PLXNA2: variants seen among roughly 807,000 people sequenced by gnomAD.
PLXNA2 encodes the protein plexin A2.
PLXNA2 carries 91 observed loss-of-function variants against 193.5 expected under a neutral mutation model. The ratio of observed to expected loss-of-function variants is 0.47; its 90% CI spans 0.40 to 0.56. The LOEUF (loss-of-function observed/expected upper bound fraction) is 0.56. Among genes scored for constraint, PLXNA2 ranks in the 20% least tolerant of loss-of-function variants. PLXNA2 has a pLI of 0.00. For missense variants in PLXNA2, 1,995 were observed against 2,503.2 expected (o/e 0.80, Z 4.33); for synonymous variants, 997 against 1,027.3 (o/e 0.97, Z 0.56).
At chr1:208,031,420 C>A in intron 29 of PLXNA2, 170 bp downstream of exon 29, 1 of 1,316,590 alleles carries the variant, frequency 7.6e-7, no homozygotes, top group South Asian at 1.5e-5. Flanking sequence ...CAGCTGGGGA[C>A]CGTGTGGGCT....
At position 208,045,188 on chromosome 1, in the gene PLXNA2, G is replaced by T; in HGVS notation, c.3518C>A (p.Ala1173Asp). 6.2e-7 allele frequency: 1 copy of T among 1,614,090 alleles called. No homozygotes were observed. The highest frequency in any genetic ancestry group is 8.5e-7 in the Non-Finnish European group (1 of 1,179,944). ...GTAGTTGAGTTTGGCCCCTCCAGAG[G>T]CAGGAGGGCAGAGGTTTTTGCCCTG... Reference protein sequence around the residue: ...ILKGKNLCPPASGGAKLNYTV... With the variant: ...ILKGKNLCPPDSGGAKLNYTV... The change falls in exon 19 of 32, where the codon GCC (alanine) becomes GAC (aspartate). Residue 1173 changes from alanine (A) to aspartate (D), a missense_variant. Transcript: ENST00000367033.
chr1:208,203,231 C>T (rs997428327), intron 3 of PLXNA2, among the ~76,000 whole-genome samples: 2 of 152,188 alleles, frequency 1.3e-5, no homozygotes, highest in Non-Finnish European at 2.9e-5. Flanking sequence ...GCGAGCTTGG[C>T]GGCGGGAGCC....
intron 4 of PLXNA2, among the ~76,000 whole-genome samples, chr1:208,138,797 C>T (rs1448396788): frequency 1.3e-5 from 2 of 152,186 alleles, no homozygotes; most frequent in African/African-American, 4.8e-5. Context: ...GAGGCCAAGG[C>T]AGGTGGATCA....
rs1382986768 is a variant in PLXNA2, at chr1:208,243,738, C to G, written c.-176G>C. 5 of 152,286 alleles carry G rather than the reference C, an allele frequency of 3.3e-5. No homozygotes were observed. The East Asian group carries it at 9.6e-4, about 29-fold the overall frequency. 9.4% of individuals were successfully genotyped at this position (152,286 alleles called of 1,614,324 possible). ...GCGGCGCGAGGCCCCTCTCCCTGCC[C>G]GCAGCTCGGAATCAGGGAGACGACC... On this transcript the variant is annotated 5_prime_UTR_variant, in exon 1 of 32. Transcript: ENST00000367033.
chr1:208,213,483 C>T (rs1426469395), intron 2 of PLXNA2, among the ~76,000 whole-genome samples: 1 of 152,142 alleles, frequency 6.6e-6, no homozygotes, highest in Non-Finnish European at 1.5e-5. Flanking sequence ...GAAGATAACT[C>T]TTGCTTTATG....
intron 3 of PLXNA2, among the ~76,000 whole-genome samples, chr1:208,191,671 G>C (rs756672577): frequency 6.6e-6 from 1 of 152,166 alleles, no homozygotes; most frequent in Non-Finnish European, 1.5e-5. Flanking sequence ...TCACTATGTC[G>C]CACAGATATT....
chr1:208,135,637 C>G (rs766755434), intron 4 of PLXNA2, among the ~76,000 whole-genome samples: 17 of 152,140 alleles, frequency 1.1e-4, no homozygotes, highest in Non-Finnish European at 1.6e-4. Flanking sequence ...GAAATCAGTC[C>G]AGCTTTGATG....
intron 3 of PLXNA2, among the ~76,000 whole-genome samples, chr1:208,147,981 G>A (rs952008660): frequency 6.6e-6 from 1 of 152,166 alleles, no homozygotes. Flanking sequence ...AGCGTGTGAG[G>A]TAAAATCCAG....
intron 13 of PLXNA2, among the ~76,000 whole-genome samples, chr1:208,055,525 G>T (rs1665402758): frequency 6.6e-6 from 1 of 152,118 alleles, no homozygotes; most frequent in African/African-American, 2.4e-5. Flanking sequence ...TGGGAATGGA[G>T]GGAAGGATTT....
intron 4 of PLXNA2, among the ~76,000 whole-genome samples, chr1:208,140,141 G>T (rs1354027704): frequency 1.3e-5 from 2 of 152,130 alleles, no homozygotes; most frequent in Non-Finnish European, 1.5e-5. Context: ...GAAGCAGAAG[G>T]TGGGACAGAG....
intron 4 of PLXNA2, among the ~76,000 whole-genome samples, chr1:208,132,609 G>T (rs933268849): frequency 1.3e-5 from 2 of 152,218 alleles, no homozygotes; most frequent in Admixed American, 6.5e-5. Context: ...ATATTAGTTA[G>T]ATTTCAACAC....
chr1:208,230,923 C>A (rs1271777773), intron 1 of PLXNA2, among the ~76,000 whole-genome samples: 2 of 152,182 alleles, frequency 1.3e-5, no homozygotes, highest in Non-Finnish European at 1.5e-5. Flanking sequence ...AAGGGGCATG[C>A]AGAAACTGAG....
At position 208,082,570 on chromosome 1, in the gene PLXNA2, G is replaced by T; in HGVS notation, c.2299-62C>A. Reference sequence around the variant, plus strand: ...GCTCTCTATCACAGGGGTCAGGGATGCAGACAAACCCTGCATGCTGCTCAG... The same window carrying T: ...GCTCTCTATCACAGGGGTCAGGGATTCAGACAAACCCTGCATGCTGCTCAG... On this transcript the variant is annotated intron_variant, in intron 10 of 31. Coordinates refer to ENST00000367033, the MANE Select transcript of PLXNA2 (RefSeq NM_025179.4). The surrounding 1 kb of genome is among the most constrained non-coding windows in gnomAD (Gnocchi z 4.2). 2 of 1,144,010 alleles carry T rather than the reference G, an allele frequency of 1.7e-6. No homozygotes were observed. Among genetic ancestry groups the T allele is most frequent in the Non-Finnish European group, 1.3e-6 (1 of 760,824 alleles). The allele number at this position is 1,144,010 out of a possible 1,614,324, so 70.9% of individuals were successfully genotyped here.
chr1:208,242,365 G>A (rs1033671602), intron 1 of PLXNA2, among the ~76,000 whole-genome samples: 1 of 152,160 alleles, frequency 6.6e-6, no homozygotes, highest in Non-Finnish European at 1.5e-5. Flanking sequence ...TTGGCCTGCC[G>A]CTCATAAGCC....
chr1:208,044,792 C>A lies in PLXNA2; in HGVS notation c.3640-50G>T. 2 of 1,405,644 alleles carry A rather than the reference C, an allele frequency of 1.4e-6. No homozygotes were observed. Among genetic ancestry groups the A allele is most frequent in the Non-Finnish European group, 2.0e-6 (2 of 1,004,738 alleles). 87.1% of individuals were successfully genotyped at this position (1,405,644 alleles called of 1,614,324 possible). ...CACATGGATGCACACAGGTGTAGAGCCCGGGCATGCCAGCAGATCCTTACA... is the reference window on the plus strand; with the variant it reads ...CACATGGATGCACACAGGTGTAGAGACCGGGCATGCCAGCAGATCCTTACA... On this transcript the variant is annotated intron_variant, in intron 19 of 31. Coordinates refer to ENST00000367033, the MANE Select transcript of PLXNA2 (RefSeq NM_025179.4). This position sits in a 1 kb window ranked among gnomAD's most constrained non-coding sequence, Gnocchi z 4.9.
Position 208,102,132 on chromosome 1 carries a change from C to T in PLXNA2, c.1607+1015G>A, listed in dbSNP as rs534854078. On this transcript the variant is annotated intron_variant, in intron 5 of 31. Coordinates refer to ENST00000367033, the MANE Select transcript of PLXNA2 (RefSeq NM_025179.4). ...ACCCAAGCAGGGAACCCAGTATTCA[C>T]GGGCTCAAATCCAGTCCAGATTTTG... 1.1e-3 allele frequency among the ~76,000 whole-genome samples: 165 copies of T among 152,328 alleles called. 6 individuals carry two copies. The South Asian group carries it at 0.03, about 28-fold the overall frequency.
Position 208,042,174 on chromosome 1 carries a change from C to T in PLXNA2, c.4210G>A (p.Val1404Ile), listed in dbSNP as rs1362108020. Residue 1404 changes from valine to isoleucine, a missense_variant, in exon 22 of 32, where the codon GTC (valine) becomes ATC (isoleucine). Transcript: ENST00000367033. Reference sequence around the variant, plus strand: ...AGGTCAGAGAGCAGCTGCTTGAGGACATCAGTGGCATATTCCAGGCGGCCC... The same window carrying T: ...AGGTCAGAGAGCAGCTGCTTGAGGATATCAGTGGCATATTCCAGGCGGCCC... Reference protein sequence around the residue: ...LQGRLEYATDVLKQLLSDLID... With the variant: ...LQGRLEYATDILKQLLSDLID... The T allele has an allele frequency of 6.2e-7, 1 of 1,614,224 alleles. No homozygotes were observed. The highest frequency in any genetic ancestry group is 8.5e-7 in the Non-Finnish European group (1 of 1,180,026).
At chr1:208,171,949 G>A (rs1288347681) in intron 3 of PLXNA2, among the ~76,000 whole-genome samples, 1 of 151,158 alleles carries the variant, frequency 6.6e-6, no homozygotes, top group Non-Finnish European at 1.5e-5. Flanking sequence ...GATGCATAGT[G>A]CCTGGGGCAC....
At chr1:208,211,407 A>G (rs1427763900) in intron 2 of PLXNA2, among the ~76,000 whole-genome samples, 1 of 152,138 alleles carries the variant, frequency 6.6e-6, no homozygotes, top group Non-Finnish European at 1.5e-5. Flanking sequence ...TGAAAAAAAA[A>G]TTGTGGCCGG....
Sources: gnomAD v4.1 joint callset for allele counts (sites outside exome capture counted in the v4.1 genomes callset) on GRCh38, gnomAD v4.1.1 for gene constraint, Gnocchi (gnomAD v3.1) non-coding constraint, MANE v1.5 for transcripts, NCBI Gene and HGNC (gene_info 2026-07-23, HGNC 2026-07-21) for gene names.